Variants in ZNF727 observed in about 807,000 individuals in gnomAD.
ZNF727 encodes zinc finger protein 727.
ZNF727 carries 11 observed loss-of-function variants against 11.5 expected under a neutral mutation model. The ratio of observed to expected loss-of-function variants is 0.95; its 90% CI spans 0.60 to 1.58. ZNF727 has a LOEUF of 1.58. Ranked by LOEUF, ZNF727 falls within the 40% of genes most tolerant of loss-of-function variation. The pLI, the probability that ZNF727 is intolerant of heterozygous loss-of-function variation, is 0.00. For synonymous variants in ZNF727, 171 were observed against 196.1 expected, an observed-to-expected ratio of 0.87 and a Z score of 1.07; for missense variants, 533 against 581.7, an observed-to-expected ratio of 0.92 and a Z score of 0.86.
Position 64,077,966 on chromosome 7 carries a change from A to G in ZNF727, c.917A>G (p.His306Arg), listed in dbSNP as rs755816214. Residue 306 changes from histidine to arginine, a missense_variant, in exon 4 of 4, where the codon CAT (histidine) becomes CGT (arginine). His to Arg is a conservative substitution (Grantham distance 29). Coordinates refer to ENST00000456806, the MANE Select transcript of ZNF727 (RefSeq NM_001159522.3). ...CSDLTKHKRI[H>R]TGEKPYKCNE... ...GACCTTACTAAACATAAGAGAATTC[A>G]TACTGGAGAGAAACCCTACAAATGT... is the stretch of plus-strand genomic sequence containing the variant. The G allele has an allele frequency of 2.5e-6, 4 of 1,594,922 alleles. No homozygotes were observed. The highest frequency in any genetic ancestry group is 3.4e-6 in the Non-Finnish European group (4 of 1,170,160).
At chr7:64,061,499 C>CT (rs541292621) in intron 1 of ZNF727, among the ~76,000 whole-genome samples, 22 of 150,822 alleles carry the variant, frequency 1.5e-4, no homozygotes, top group East Asian at 7.8e-4. Context: ...TATCCCTGCT[C>CT]TTTTTTTTGT....
intron 1 of ZNF727, among the ~76,000 whole-genome samples, chr7:64,067,420 A>G (rs1300017898): frequency 2.0e-5 from 3 of 152,214 alleles, no homozygotes; most frequent in Admixed American, 6.5e-5. Flanking sequence ...TTATTCTACT[A>G]TAAAGGCACA....
chr7:64,076,244 C>A (rs75449763), intron 3 of ZNF727, among the ~76,000 whole-genome samples: 4,325 of 152,160 alleles, frequency 0.028, 202 homozygotes, highest in East Asian at 0.18. Context: ...AAATATTACT[C>A]CTATTTTATG....
In ZNF727 at chr7:64,077,758, T is replaced by G. The variant is rs558633876; in HGVS notation, c.709T>G (p.Phe237Val). Residue 237 changes from phenylalanine to valine, a missense_variant, in exon 4 of 4, where the codon TTT becomes GTT. By Grantham distance (50) the Phe-to-Val change is conservative. Around this residue, in one of 3 missense-constraint regions of ZNF727, gnomAD observed 463 missense variants for 494.5 expected, o/e 0.94. Transcript: ENST00000456806. Reference sequence around the variant, plus strand: ...CAAATGTGAAGAATGTGGCAAAACATTTACCTGTTCCTCAGCCCTTACTAA... The same window carrying G: ...CAAATGTGAAGAATGTGGCAAAACAGTTACCTGTTCCTCAGCCCTTACTAA... ...PYKCEECGKT[F>V]TCSSALTKHK... The G allele has an allele frequency of 6.3e-7, 1 of 1,582,390 alleles. No homozygotes were observed. Among genetic ancestry groups the G allele is most frequent in the African/African-American group, 1.4e-5 (1 of 73,920 alleles).
intron 1 of ZNF727, among the ~76,000 whole-genome samples, chr7:64,068,440 ACTT>A (rs1789905713): frequency 6.6e-6 from 1 of 152,122 alleles, no homozygotes; most frequent in Non-Finnish European, 1.5e-5. Context: ...CCACTGGCAA[ACTT>A]CTTATCAATT....
chr7:64,083,799 G>A lies in ZNF727; in HGVS notation c.*5250G>A, dbSNP rs1584162307. Among the ~76,000 whole-genome samples, 1 of 152,266 alleles carries A rather than the reference G, an allele frequency of 6.6e-6. No homozygotes were observed. The highest frequency in any genetic ancestry group is 2.4e-5 in the African/African-American group (1 of 41,554). On this transcript the variant is annotated 3_prime_UTR_variant, in exon 4 of 4. Transcript: ENST00000456806. The stretch of plus-strand genomic sequence containing the variant: ...CCTTGCTTTACTCCATTCTCCGTAA[G>A]TTAAGTTGTTTCTTTCATTAGTTCC...
rs1213171499 is a variant in ZNF727, at chr7:64,083,540, G to A, written c.*4991G>A. ...AAGCCTGGAAAGCCAGAGTATCTGA[G>A]GCTCTTGAATCTCTGCACAGGCCTC... On this transcript the variant is annotated 3_prime_UTR_variant, in exon 4 of 4. Transcript: ENST00000456806. Among the ~76,000 whole-genome samples, 1 of 152,212 alleles carries A rather than the reference G, an allele frequency of 6.6e-6. No individual in the cohort carries two copies. Among genetic ancestry groups the A allele is most frequent in the Admixed American group, 6.5e-5 (1 of 15,274 alleles).
chr7:64,072,404 G>T (rs771587128), intron 3 of ZNF727, among the ~76,000 whole-genome samples: 12 of 152,230 alleles, frequency 7.9e-5, no homozygotes, highest in Non-Finnish European at 1.8e-4. Flanking sequence ...TAGCACTAGG[G>T]CAGAGTTCTG....
At chr7:64,075,693 A>G (rs2078679446) in intron 3 of ZNF727, among the ~76,000 whole-genome samples, 1 of 152,128 alleles carries the variant, frequency 6.6e-6, no homozygotes, top group African/African-American at 2.4e-5. Flanking sequence ...GTATACATGG[A>G]TATAAAGATG....
chr7:64,050,670 A>T (rs1167958834), intron 1 of ZNF727, among the ~76,000 whole-genome samples: 2 of 152,176 alleles, frequency 1.3e-5, no homozygotes, highest in Non-Finnish European at 1.5e-5. Flanking sequence ...ACATAGAGAT[A>T]CCAGTTTAGG....
intron 1 of ZNF727, among the ~76,000 whole-genome samples, chr7:64,055,547 G>C (rs973690141): frequency 2.6e-5 from 4 of 152,078 alleles, no homozygotes; most frequent in Non-Finnish European, 5.9e-5. Flanking sequence ...ATTGTCCACT[G>C]TCTTATAACC....
rs1785846928 is a variant in ZNF727 at position 64,084,692 on chromosome 7, G to A, written c.*6143G>A. Among the ~76,000 whole-genome samples the A allele has an allele frequency of 6.6e-6, 1 of 152,050 alleles. No individual in the cohort carries two copies. Among genetic ancestry groups the A allele is most frequent in the South Asian group, 2.1e-4 (1 of 4,832 alleles). On this transcript the variant is annotated 3_prime_UTR_variant, in exon 4 of 4. Transcript: ENST00000456806. ...AAATTTTATCCTACTTTTTTCTGTT[G>A]AAAATATGACTTCTCTCGTCTGCTA...
chr7:64,073,309 GT>G lies in ZNF727; in HGVS notation c.226+3711del, dbSNP rs201328516. 5.3e-3 allele frequency among the ~76,000 whole-genome samples: 385 copies of G among 72,346 alleles called. 2 individuals carry two copies. Among genetic ancestry groups the G allele is most frequent in the African/African-American group, 0.013 (343 of 25,670 alleles). 47.5% of individuals were successfully genotyped at this position (72,346 alleles called of 152,430 possible). ...GTTGATGTTTTTCAATTTTTTGTGT[GT>G]TTTTTTTTTTCATGACTCAATATTT... On this transcript the variant is annotated intron_variant, in intron 3 of 3. Transcript: ENST00000456806.
chr7:64,067,744 G>A (rs540977114), intron 1 of ZNF727, among the ~76,000 whole-genome samples: 7 of 152,174 alleles, frequency 4.6e-5, no homozygotes, highest in South Asian at 2.1e-4. Flanking sequence ...TCAGGGGATT[G>A]GGGGCAAGGG....
chr7:64,047,091 A>G (rs1243255370), intron 1 of ZNF727, among the ~76,000 whole-genome samples: 1 of 151,972 alleles, frequency 6.6e-6, no homozygotes, highest in African/African-American at 2.4e-5. Context: ...ATTGCCAGCT[A>G]TTTAGTTATT....
chr7:64,057,827 C>T (rs927770803), intron 1 of ZNF727, among the ~76,000 whole-genome samples: 11 of 152,058 alleles, frequency 7.2e-5, no homozygotes, highest in Middle Eastern at 3.2e-3. Context: ...AATCTGATCT[C>T]TTAATGCAGT....
In ZNF727 at chr7:64,079,502, T is replaced by C. The variant is rs1057125721; in HGVS notation, c.*953T>C. ...AGTCTGTTTTGTCAGAAACTAGGATTGTAATCCTTGCTTTTTTACTGTTTT... is the reference window on the plus strand; with the variant it reads ...AGTCTGTTTTGTCAGAAACTAGGATCGTAATCCTTGCTTTTTTACTGTTTT... On this transcript the variant is annotated 3_prime_UTR_variant, in exon 4 of 4. Coordinates refer to ENST00000456806, the MANE Select transcript of ZNF727 (RefSeq NM_001159522.3). 1.3e-5 allele frequency among the ~76,000 whole-genome samples: 2 copies of C among 152,218 alleles called. No individual in the cohort carries two copies. The highest frequency in any genetic ancestry group is 4.8e-5 in the African/African-American group (2 of 41,470).
chr7:64,057,641 C>T (rs1440592454), intron 1 of ZNF727, among the ~76,000 whole-genome samples: 1 of 151,892 alleles, frequency 6.6e-6, no homozygotes, highest in Non-Finnish European at 1.5e-5. Flanking sequence ...AGCAAACTAC[C>T]ATGACATACA....
At chr7:64,056,691 A>C (rs1260295623) in intron 1 of ZNF727, among the ~76,000 whole-genome samples, 1 of 152,164 alleles carries the variant, frequency 6.6e-6, no homozygotes, top group Non-Finnish European at 1.5e-5. Flanking sequence ...ATTTAGTAGG[A>C]GCATCAACAT....
Sources: allele counts gnomAD v4.1 joint callset (sites outside exome capture counted in the v4.1 genomes callset), GRCh38; gene constraint gnomAD v4.1.1; regional missense constraint gnomAD v4.1.1; transcripts MANE v1.5; gene names NCBI Gene and HGNC (gene_info 2026-07-23, HGNC 2026-07-21).